PYROXD2: variants seen among roughly 807,000 people sequenced by gnomAD.
PYROXD2 encodes pyridine nucleotide-disulfide oxidoreductase domain-containing protein 2.
In PYROXD2, 69 loss-of-function variants were observed where a neutral mutation model predicts 71.1. The ratio of observed to expected loss-of-function variants is 0.97; its 90% CI spans 0.80 to 1.19. The LOEUF (loss-of-function observed/expected upper bound fraction) is 1.19. PYROXD2 is among the 50% of genes most tolerant of loss of function. The pLI, the probability that PYROXD2 is intolerant of heterozygous loss-of-function variation, is 0.00. For synonymous variants in PYROXD2, 287 were observed against 302.7 expected (o/e 0.95, Z 0.54); for missense variants, 745 against 748.9 (o/e 0.99, Z 0.06).
intron 12 of PYROXD2, 40 bp downstream of exon 12, chr10:98,390,558 G>GCC (rs1247044248): frequency 6.6e-7 from 1 of 1,523,980 alleles, no homozygotes; most frequent in African/African-American, 1.4e-5. Flanking sequence ...CCAGGCCCAT[G>GCC]TGGAAGAACA....
At chr10:98,396,536 G>C (rs1190152664) in intron 6 of PYROXD2, among the ~76,000 whole-genome samples, 1 of 152,180 alleles carries the variant, frequency 6.6e-6, no homozygotes. Context: ...GAAAATAATA[G>C]CACACTTAAT....
intron 2 of PYROXD2, 182 bp downstream of exon 2, chr10:98,410,757 G>T: frequency 1.2e-6 from 1 of 820,600 alleles, no homozygotes; most frequent in Non-Finnish European, 1.9e-6. Context: ...TCCACAGCTG[G>T]CTGCAGATGA....
At chr10:98,400,649 C>A (rs1247241677) in intron 4 of PYROXD2, among the ~76,000 whole-genome samples, 2 of 152,166 alleles carry the variant, frequency 1.3e-5, no homozygotes, top group African/African-American at 4.8e-5. Context: ...CTATGCCATG[C>A]CATGTCATAC....
intron 4 of PYROXD2, among the ~76,000 whole-genome samples, chr10:98,401,242 A>C (rs1366286686): frequency 1.5e-5 from 2 of 132,696 alleles, no homozygotes; most frequent in African/African-American, 6.4e-5. Context: ...TGACAAAGCA[A>C]GACTCTGTCT....
chr10:98,397,932 G>C (rs1302012847), intron 5 of PYROXD2, among the ~76,000 whole-genome samples: 1 of 145,200 alleles, frequency 6.9e-6, no homozygotes, highest in Non-Finnish European at 1.5e-5. Context: ...ACCCAGGCTG[G>C]AGGGCAGTGG....
chr10:98,391,563 A>C (rs1842945651), intron 10 of PYROXD2, among the ~76,000 whole-genome samples: 1 of 152,080 alleles, frequency 6.6e-6, no homozygotes, highest in South Asian at 2.1e-4. Flanking sequence ...AGGGTAAGTC[A>C]ATTGCAAAAA....
intron 14 of PYROXD2, among the ~76,000 whole-genome samples, chr10:98,386,889 TGA>T: frequency 6.6e-6 from 1 of 152,172 alleles, no homozygotes; most frequent in East Asian, 1.9e-4. Flanking sequence ...GCTGCTGCCT[TGA>T]GAAGGGGGTG....
intron 15 of PYROXD2, among the ~76,000 whole-genome samples, chr10:98,384,608 G>A (rs931498883): frequency 1.3e-5 from 2 of 152,196 alleles, no homozygotes; most frequent in African/African-American, 4.8e-5. Context: ...ATAGCGTGAA[G>A]CCCTGTCTAA....
chr10:98,407,976 C>T lies in PYROXD2; in HGVS notation c.169G>A (p.Gly57Arg). The T allele has an allele frequency of 3.7e-6, 6 of 1,608,112 alleles. No individual in the cohort carries two copies. The highest frequency in any genetic ancestry group is 1.7e-5 in the Admixed American group (1 of 59,530). The change falls in exon 3 of 16, where the codon GGG (glycine) becomes AGG (arginine). Residue 57 changes from glycine (G) to arginine (R), a missense_variant. Gly to Arg is a moderately radical substitution (Grantham distance 125). Coordinates refer to ENST00000370575, the MANE Select transcript of PYROXD2 (RefSeq NM_032709.3). ...LVAAAYLQRL[G>R]VNTAVFERRH... Reference sequence around the variant, plus strand: ...CTCTCGAAGACGGCGGTGTTCACCCCCAGTCTCTGCAGGTACGCTGCCTGG... The same window carrying T: ...CTCTCGAAGACGGCGGTGTTCACCCTCAGTCTCTGCAGGTACGCTGCCTGG...
chr10:98,397,272 C>A, intron 6 of PYROXD2, 73 bp downstream of exon 6: 2 of 1,484,888 alleles, frequency 1.3e-6, no homozygotes, highest in Non-Finnish European at 9.0e-7. Context: ...AGGCTTGTGT[C>A]TAGGCATCGA....
intron 8 of PYROXD2, among the ~76,000 whole-genome samples, chr10:98,394,314 TTG>T (rs1843066261): frequency 6.6e-6 from 1 of 152,172 alleles, no homozygotes. Context: ...AAGATCCAGA[TTG>T]GCTGGTAGAT....
intron 5 of PYROXD2, among the ~76,000 whole-genome samples, chr10:98,399,817 TTCC>T (rs1843327338): frequency 6.6e-6 from 1 of 152,222 alleles, no homozygotes; most frequent in South Asian, 2.1e-4. Flanking sequence ...GCCAGTGCAT[TTCC>T]TCTTGAACTC....
chr10:98,391,163 C>T (rs1012728919), intron 10 of PYROXD2, 81 bp from the exon 11 acceptor site: 6 of 909,496 alleles, frequency 6.6e-6, no homozygotes, highest in Middle Eastern at 2.5e-4. Context: ...TCAGGAAGAT[C>T]CCTCAGTCGC....
At chr10:98,411,403 T>A (rs958614574) in intron 1 of PYROXD2, 1 of 176,114 alleles carries the variant, frequency 5.7e-6, no homozygotes, top group Non-Finnish European at 1.2e-5. Flanking sequence ...GTGCTGGTCA[T>A]GTAGGTAGTT....
At chr10:98,385,208 G>C in intron 14 of PYROXD2, 141 bp from the exon 15 acceptor site, 3 of 1,234,226 alleles carry the variant, frequency 2.4e-6, no homozygotes, top group Non-Finnish European at 3.3e-6. Flanking sequence ...ATGCAGAAAG[G>C]GAAGGAGATG....
intron 4 of PYROXD2, 50 bp downstream of exon 4, chr10:98,407,532 A>G: frequency 6.2e-7 from 1 of 1,605,968 alleles, no homozygotes; most frequent in Non-Finnish European, 8.5e-7. Flanking sequence ...GGTTGGGAAG[A>G]TGGAACTGCC....
intron 1 of PYROXD2, among the ~76,000 whole-genome samples, chr10:98,413,709 A>G (rs955170362): frequency 2.0e-5 from 3 of 152,186 alleles, no homozygotes; most frequent in Non-Finnish European, 4.4e-5. Context: ...GCAAGACTCC[A>G]TCTCAATAAA....
intron 4 of PYROXD2, among the ~76,000 whole-genome samples, chr10:98,403,740 C>T (rs1456662087): frequency 6.6e-6 from 1 of 152,204 alleles, no homozygotes; most frequent in Admixed American, 6.5e-5. Flanking sequence ...CTGGAATCTC[C>T]ACTCTCTTTC....
chr10:98,409,144 A>T (rs1843706436), intron 2 of PYROXD2, among the ~76,000 whole-genome samples: 1 of 152,256 alleles, frequency 6.6e-6, no homozygotes, highest in South Asian at 2.1e-4. Context: ...CAGATTGACA[A>T]CCTCAAATAA....
Sources: allele counts gnomAD v4.1 joint callset (sites outside exome capture counted in the v4.1 genomes callset), GRCh38; gene constraint gnomAD v4.1.1; transcripts MANE v1.5; gene names NCBI Gene and HGNC (gene_info 2026-07-23, HGNC 2026-07-21).